HOMER2: variants seen among roughly 807,000 people sequenced by gnomAD.
The protein encoded by HOMER2 is homer scaffold protein 2.
In HOMER2, 27 loss-of-function variants were observed where a neutral mutation model predicts 47.0. That is an observed-to-expected ratio of 0.57 (90% CI 0.42 to 0.79). The LOEUF (loss-of-function observed/expected upper bound fraction) is 0.79, where lower values mean the gene tolerates loss of function less well. Among genes scored for constraint, HOMER2 ranks in the 30% least tolerant of loss-of-function variants. The pLI, the probability that HOMER2 is intolerant of heterozygous loss-of-function variation, is 0.00. For synonymous variants in HOMER2, 161 were observed against 163.8 expected (o/e 0.98, Z 0.13); for missense variants, 443 against 435.0 (o/e 1.02, Z -0.16).
chr15:82,957,763 C>T (rs902172505), downstream of HOMER2, among the ~76,000 whole-genome samples: 3 of 152,218 alleles, frequency 2.0e-5, no homozygotes, highest in African/African-American at 7.2e-5. Flanking sequence ...CTGTCCTCTG[C>T]CTCTCCCATC....
Position 82,966,557 on chromosome 15 carries a change from C to T in HOMER2, n.83-7249G>A, listed in dbSNP as rs189315147. Reference sequence around the variant, plus strand: ...GTGCAAAAGTGAATTTTACTAGGAGCCTCCAGCAGAAAAAGGAGTCACCCA... The same window carrying T: ...GTGCAAAAGTGAATTTTACTAGGAGTCTCCAGCAGAAAAAGGAGTCACCCA... On this transcript the variant is annotated intron_variant and non_coding_transcript_variant, in intron 1 of 1. Coordinates refer to the HOMER2 transcript ENST00000500334. Among the ~76,000 whole-genome samples the T allele has an allele frequency of 1.3e-5, 2 of 152,190 alleles. 1 individual carries two copies. Among genetic ancestry groups the T allele is most frequent in the East Asian group, 3.9e-4 (2 of 5,182 alleles).
Position 82,868,520 on chromosome 15 carries a change from ATT to A in HOMER2, c.295-4263_295-4262del, listed in dbSNP as rs1274711731. Among the ~76,000 whole-genome samples, 10 of 21,430 alleles carry A rather than the reference ATT, an allele frequency of 4.7e-4. 2 individuals carry two copies. In the South Asian group the frequency reaches 0.028, roughly 59 times the overall value. 14.1% of individuals were successfully genotyped at this position (21,430 alleles called of 152,430 possible). A position where few individuals can be genotyped will look rare whatever the true frequency, so the allele number is the denominator to read the frequency against. On this transcript the variant is annotated intron_variant, in intron 3 of 8. Coordinates refer to ENST00000450735, the MANE Select transcript of HOMER2 (RefSeq NM_004839.4). ...CATAAGTTATATATATCACTTATTT[ATT>A]TTATATATATATATATATATTTTTT... is the stretch of plus-strand genomic sequence containing the variant.
At chr15:82,856,833 G>A (rs1476912924) in intron 5 of HOMER2, among the ~76,000 whole-genome samples, 1 of 152,158 alleles carries the variant, frequency 6.6e-6, no homozygotes, top group Admixed American at 6.5e-5. Flanking sequence ...CTCTGTGGCG[G>A]CTCTGGCTGT....
chr15:82,974,331 G>A (rs2030123782), intron 1 of HOMER2, among the ~76,000 whole-genome samples: 1 of 151,890 alleles, frequency 6.6e-6, no homozygotes, highest in South Asian at 2.1e-4. Context: ...TTGAACCCGG[G>A]AGGTGGAGGT....
At chr15:82,838,723 G>T (rs895296282) in exon 2 of HOMER2, 1 of 152,224 alleles carries the variant, frequency 6.6e-6, no homozygotes, top group Non-Finnish European at 1.5e-5. Flanking sequence ...AACTGTAAAG[G>T]ACTCTCCTCT....
intron 1 of HOMER2, among the ~76,000 whole-genome samples, chr15:82,897,070 T>C (rs1018713593): frequency 7.7e-6 from 1 of 129,372 alleles, no homozygotes; most frequent in Non-Finnish European, 1.5e-5. Context: ...CATTTCTTTT[T>C]TTTTTTTTTT....
At chr15:82,868,639 C>T (rs1161502237) in intron 3 of HOMER2, among the ~76,000 whole-genome samples, 1 of 147,788 alleles carries the variant, frequency 6.8e-6, no homozygotes, top group Non-Finnish European at 1.5e-5. Flanking sequence ...ACGTCCACCT[C>T]CCAGGCTCAG....
chr15:82,860,749 C>G (rs1220026964), intron 4 of HOMER2, among the ~76,000 whole-genome samples: 1 of 151,790 alleles, frequency 6.6e-6, no homozygotes, highest in Non-Finnish European at 1.5e-5. Context: ...CCTGCCTGGC[C>G]AATATGGTGA....
At chr15:82,862,164 A>G (rs1480720057) in intron 4 of HOMER2, among the ~76,000 whole-genome samples, 1 of 151,864 alleles carries the variant, frequency 6.6e-6, no homozygotes, top group African/African-American at 2.4e-5. Flanking sequence ...CGGCTTCCCA[A>G]AGTGCTGAGA....
At chr15:82,890,088 T>C (rs961898760) in intron 2 of HOMER2, among the ~76,000 whole-genome samples, 1 of 152,156 alleles carries the variant, frequency 6.6e-6, no homozygotes, top group African/African-American at 2.4e-5. Context: ...CTCACACCTG[T>C]AATCCTAGCA....
At chr15:82,983,375 C>A (rs1281397220) in intron 1 of HOMER2, among the ~76,000 whole-genome samples, 2 of 152,178 alleles carry the variant, frequency 1.3e-5, no homozygotes, top group Non-Finnish European at 2.9e-5. Context: ...ATTTACATAT[C>A]TGGGTAGAGC....
intron 4 of HOMER2, among the ~76,000 whole-genome samples, chr15:82,861,702 A>G (rs945901368): frequency 1.3e-5 from 2 of 152,170 alleles, no homozygotes; most frequent in African/African-American, 4.8e-5. Context: ...TTGTGTGATT[A>G]CTAATTTTAA....
chr15:82,889,616 G>C (rs184616278), intron 2 of HOMER2, among the ~76,000 whole-genome samples: 3 of 152,172 alleles, frequency 2.0e-5, no homozygotes, highest in Admixed American at 6.5e-5. Context: ...AGGCAGGATC[G>C]AGATTGGGCT....
chr15:82,928,940 T>TAAAAAA lies in HOMER2; in HGVS notation c.5+23585_5+23590dup. ...TAACAACTGGCAAAAAAATAAAAAC[T>TAAAAAA]AAAAAAAAAAAAAAAAAAAAGCTGT... On this transcript the variant is annotated intron_variant, in intron 1 of 8. Transcript: ENST00000450735. 6.5e-4 allele frequency among the ~76,000 whole-genome samples: 26 copies of TAAAAAA among 39,934 alleles called. 3 individuals are homozygous for TAAAAAA. Among genetic ancestry groups the TAAAAAA allele is most frequent in the African/African-American group, 2.6e-3 (17 of 6,474 alleles). 26.2% of individuals were successfully genotyped at this position (39,934 alleles called of 152,430 possible).
intron 2 of HOMER2, among the ~76,000 whole-genome samples, chr15:82,889,711 G>A (rs1397103751): frequency 6.6e-6 from 1 of 152,150 alleles, no homozygotes. Flanking sequence ...ATCACCCTAG[G>A]GTTCTCTCTC....
chr15:82,868,521 T>TA (rs1596312816), intron 3 of HOMER2, among the ~76,000 whole-genome samples: 1 of 15,514 alleles, frequency 6.4e-5, no homozygotes, highest in Non-Finnish European at 9.7e-5. Flanking sequence ...CACTTATTTA[T>TA]TTTATATATA....
chr15:82,892,818 C>T lies in HOMER2; in HGVS notation c.29G>A (p.Arg10Gln), dbSNP rs560032927. Residue 10 changes from arginine (R) to glutamine (Q), a missense_variant, in exon 2 of 9, where the codon CGA (arginine) becomes CAA (glutamine). Transcript: ENST00000450735. MGEQPIFTT[R>Q]AHVFQIDPNT... ...GGGGTCAATCTGGAAGACATGCGCT[C>T]GGGTGGTGAAGATGGGCTGTTCTCT... The T allele has an allele frequency of 3.9e-5, 62 of 1,597,740 alleles. No individual in the cohort carries two copies. The highest frequency in any genetic ancestry group is 4.8e-5 in the Non-Finnish European group (56 of 1,168,816).
chr15:82,852,443 G>A (rs1052060803), intron 6 of HOMER2, 191 bp from the exon 7 acceptor site: 2 of 538,290 alleles, frequency 3.7e-6, no homozygotes, highest in African/African-American at 3.9e-5. Flanking sequence ...CGCTTGCATG[G>A]GACCTGCTTT....
intron 1 of HOMER2, among the ~76,000 whole-genome samples, chr15:82,943,816 C>A (rs531853884): frequency 6.6e-6 from 1 of 152,216 alleles, no homozygotes; most frequent in East Asian, 1.9e-4. Flanking sequence ...AAGAAAGGGG[C>A]CTCCTAGAGC....
Sources: gnomAD v4.1 joint callset for allele counts (sites outside exome capture counted in the v4.1 genomes callset) on GRCh38, gnomAD v4.1.1 for gene constraint, MANE v1.5 for transcripts, NCBI Gene and HGNC (gene_info 2026-07-23, HGNC 2026-07-21) for gene names.